The following CDC42SE1 variants were observed in gnomAD, a reference collection of about 807,000 sequenced individuals.
CDC42SE1 encodes CDC42 small effector protein 1.
A neutral mutation model predicts 10.9 loss-of-function variants in CDC42SE1; 10 were observed. The ratio of observed to expected loss-of-function variants is 0.92; its 90% confidence interval spans 0.57 to 1.56. The LOEUF is 1.56. Ranked by LOEUF, CDC42SE1 falls within the 40% of genes most tolerant of loss-of-function variation. The pLI, the probability that CDC42SE1 is intolerant of heterozygous loss-of-function variation, is 0.00. For synonymous variants in CDC42SE1, 24 were observed against 32.0 expected (o/e 0.75, Z 0.85); for missense variants, 81 against 100.8 (o/e 0.80, Z 0.84).
chr1:151,056,410 G>A (rs1676279528), intron 1 of CDC42SE1, among the ~76,000 whole-genome samples: 2 of 152,224 alleles, frequency 1.3e-5, no homozygotes, highest in South Asian at 4.1e-4. Flanking sequence ...TCACAAACAA[G>A]GTCTCCACCC....
chr1:151,054,961 A>G, intron 3 of CDC42SE1, 55 bp downstream of exon 3: 1 of 1,267,576 alleles, frequency 7.9e-7, no homozygotes, highest in East Asian at 2.3e-5. Flanking sequence ...TTTCAAAAAG[A>G]GGGAACGGTT....
At chr1:151,058,589 A>T (rs1676332469) in intron 1 of CDC42SE1, 1 of 152,306 alleles carries the variant, frequency 6.6e-6, no homozygotes, top group Non-Finnish European at 1.5e-5. Flanking sequence ...CCACGTCCTG[A>T]GAGCCAAGTG....
rs1676179253 is a variant in CDC42SE1 at position 151,051,407 on chromosome 1, A to AAG, written c.*1936_*1937insCT. On this transcript the variant is annotated 3_prime_UTR_variant, in exon 5 of 5. Coordinates refer to ENST00000357235, the MANE Select transcript of CDC42SE1 (RefSeq NM_020239.4). The stretch of plus-strand genomic sequence containing the variant: ...CATGGAAATTTGAAAAAAAAAAAAA[A>AAG]AAAAAAAAAAAAAGAACCTCAGTCA... The AAG allele has an allele frequency of 6.7e-6, 1 of 148,704 alleles. No homozygotes were observed. Among genetic ancestry groups the AAG allele is most frequent in the Non-Finnish European group, 1.5e-5 (1 of 67,042 alleles). The allele number at this position is 148,704 out of a possible 1,614,324, so 9.2% of individuals were successfully genotyped here.
chr1:151,056,045 C>T (rs936834128), intron 1 of CDC42SE1, 52 bp from the exon 2 acceptor site: 1 of 409,190 alleles, frequency 2.4e-6, no homozygotes, highest in Non-Finnish European at 4.6e-6. Flanking sequence ...TCCCCCTCCC[C>T]CAATCCTTGA....
chr1:151,055,924 G>T lies in CDC42SE1; in HGVS notation c.-194C>A. ...TGAAGGTCAGTGTCTCAGAGCCTGA[G>T]AGATGAACAGGACCAGAGAGAGAGG... On this transcript the variant is annotated 5_prime_UTR_variant, in exon 2 of 5. Coordinates refer to ENST00000357235, the MANE Select transcript of CDC42SE1 (RefSeq NM_020239.4). The T allele has an allele frequency of 1.6e-6, 1 of 615,158 alleles. No individual in the cohort carries two copies. Among genetic ancestry groups the T allele is most frequent in the Non-Finnish European group, 2.9e-6 (1 of 340,008 alleles). The allele number at this position is 615,158 out of a possible 1,614,324, so 38.1% of individuals were successfully genotyped here.
At chr1:151,059,012 A>G (rs1354805932) in intron 1 of CDC42SE1, 1 of 152,042 alleles carries the variant, frequency 6.6e-6, no homozygotes, top group Non-Finnish European at 1.5e-5. Flanking sequence ...TGGACTCCAT[A>G]TTTCAGCCAA....
intron 1 of CDC42SE1, 69 bp from the exon 2 acceptor site, chr1:151,056,062 T>C (rs1676272282): frequency 8.0e-6 from 3 of 376,612 alleles, no homozygotes; most frequent in Non-Finnish European, 1.5e-5. Context: ...TTGAGAAACC[T>C]CCTGATGAGC....
In CDC42SE1 at chr1:151,051,329, A is replaced by G. The variant is rs1291672708; in HGVS notation, c.*2015T>C. On this transcript the variant is annotated 3_prime_UTR_variant, in exon 5 of 5. Transcript: ENST00000357235. ...AGCAACCAGCTTGACTGGAACTGAGAGTAAATTGGGAATGTATGACCAATC... is the reference window on the plus strand; with the variant it reads ...AGCAACCAGCTTGACTGGAACTGAGGGTAAATTGGGAATGTATGACCAATC... 6.8e-6 allele frequency: 1 copy of G among 146,550 alleles called. No homozygotes were observed. Among genetic ancestry groups the G allele is most frequent in the Admixed American group, 6.9e-5 (1 of 14,564 alleles). The allele number at this position is 146,550 out of a possible 1,614,324, so 9.1% of individuals were successfully genotyped here.
intron 3 of CDC42SE1, 82 bp from the exon 4 acceptor site, chr1:151,054,403 A>T (rs1676242307): frequency 2.7e-6 from 3 of 1,095,744 alleles, no homozygotes; most frequent in Admixed American, 3.4e-5. Flanking sequence ...TCCAGGGAAG[A>T]GGCTGACGCC....
In CDC42SE1 at chr1:151,051,791, G is replaced by A. The variant is rs751183772; in HGVS notation, c.*1553C>T. On this transcript the variant is annotated 3_prime_UTR_variant, in exon 5 of 5. Coordinates refer to ENST00000357235, the MANE Select transcript of CDC42SE1 (RefSeq NM_020239.4). The stretch of plus-strand genomic sequence containing the variant: ...TCTAGGACTAGGGCACAGAAATAGA[G>A]CTTAAAATTTGGGGAGGATAAGGAG... 7 of 152,550 alleles carry A rather than the reference G, an allele frequency of 4.6e-5. No individual in the cohort carries two copies. The South Asian group carries it at 6.2e-4, about 14-fold the overall frequency. 9.4% of individuals were successfully genotyped at this position (152,550 alleles called of 1,614,324 possible).
chr1:151,054,800 T>A (rs1436626996), intron 3 of CDC42SE1, among the ~76,000 whole-genome samples: 1 of 152,090 alleles, frequency 6.6e-6, no homozygotes, highest in Non-Finnish European at 1.5e-5. Context: ...CCTACCCCAG[T>A]GAAGAACAAT....
chr1:151,055,446 A>T (rs1676260929), intron 2 of CDC42SE1: 20 of 603,800 alleles, frequency 3.3e-5, no homozygotes, highest in Middle Eastern at 3.6e-4. Context: ...TACAAACCCC[A>T]CCCAGCTCAG....
In CDC42SE1 at chr1:151,052,262, C is replaced by A. The variant is rs587746752; in HGVS notation, c.*1082G>T. 3.3e-5 allele frequency: 5 copies of A among 152,302 alleles called. No individual in the cohort carries two copies. The highest frequency in any genetic ancestry group is 1.2e-4 in the African/African-American group (5 of 41,430). The allele number at this position is 152,302 out of a possible 1,614,324, so 9.4% of individuals were successfully genotyped here. On this transcript the variant is annotated 3_prime_UTR_variant, in exon 5 of 5. Coordinates refer to ENST00000357235, the MANE Select transcript of CDC42SE1 (RefSeq NM_020239.4). ...CAAAATAGGAAACAGGTTTTCCTTA[C>A]AAAGAACACTTCAGCCCAAAATGTC...
chr1:151,058,080 G>A (rs976344595), intron 1 of CDC42SE1: 1 of 152,468 alleles, frequency 6.6e-6, no homozygotes, highest in Non-Finnish European at 1.5e-5. Context: ...TCTGCTCAAA[G>A]CTGAGGGACA....
chr1:151,052,476 C>T lies in CDC42SE1; in HGVS notation c.*868G>A, dbSNP rs1219091466. ...CCGCATTCTGGGTTTCTTTCCAGAC[C>T]CCTCTTCCTCCTCTCACCTGGGCCA... On this transcript the variant is annotated 3_prime_UTR_variant, in exon 5 of 5. Coordinates refer to ENST00000357235, the MANE Select transcript of CDC42SE1 (RefSeq NM_020239.4). 1 of 152,528 alleles carries T rather than the reference C, an allele frequency of 6.6e-6. No homozygotes were observed. Among genetic ancestry groups the T allele is most frequent in the Non-Finnish European group, 1.5e-5 (1 of 68,028 alleles). The allele number at this position is 152,528 out of a possible 1,614,324, so 9.4% of individuals were successfully genotyped here.
chr1:151,055,646 T>G, intron 2 of CDC42SE1, 31 bp downstream of exon 2: 3 of 1,585,950 alleles, frequency 1.9e-6, no homozygotes, highest in Non-Finnish European at 2.6e-6. Flanking sequence ...TGACTGCTCT[T>G]TGGGTTAGGA....
chr1:151,053,862 C>T (rs1676230425), intron 4 of CDC42SE1, among the ~76,000 whole-genome samples: 2 of 151,804 alleles, frequency 1.3e-5, no homozygotes, highest in Non-Finnish European at 2.9e-5. Flanking sequence ...TAGAGTCTTG[C>T]TCTATCACAC....
rs1216251809 is a variant in CDC42SE1, at chr1:151,052,678, A to G, written c.*666T>C. Reference sequence around the variant, plus strand: ...GGATAATTAAGAGAACCTGAATTAAATTTTTAATATTTTAAAAAAGGAAAG... The same window carrying G: ...GGATAATTAAGAGAACCTGAATTAAGTTTTTAATATTTTAAAAAAGGAAAG... On this transcript the variant is annotated 3_prime_UTR_variant, in exon 5 of 5. Coordinates refer to ENST00000357235, the MANE Select transcript of CDC42SE1 (RefSeq NM_020239.4). 1 of 152,552 alleles carries G rather than the reference A, an allele frequency of 6.6e-6. No individual in the cohort carries two copies. Among genetic ancestry groups the G allele is most frequent in the African/African-American group, 2.4e-5 (1 of 41,458 alleles). 9.4% of individuals were successfully genotyped at this position (152,552 alleles called of 1,614,324 possible).
At position 151,057,215 on chromosome 1, in the gene CDC42SE1, T is replaced by A. The variant is rs1052220437; in HGVS notation, c.-263-1222A>T. ...CGGGAACCCTGATGCTTTGGCACCC[T>A]AGACTGATTTAAAAACAAGAGATAG... On this transcript the variant is annotated intron_variant, in intron 1 of 4. Transcript: ENST00000357235. This position sits in a 1 kb window ranked among gnomAD's most constrained non-coding sequence, Gnocchi z 4.0. Among the ~76,000 whole-genome samples, 1 of 152,166 alleles carries A rather than the reference T, an allele frequency of 6.6e-6. No homozygotes were observed. Among genetic ancestry groups the A allele is most frequent in the African/African-American group, 2.4e-5 (1 of 41,442 alleles).
Sources: gnomAD v4.1 joint callset for allele counts (sites outside exome capture counted in the v4.1 genomes callset) on GRCh38, gnomAD v4.1.1 for gene constraint, Gnocchi (gnomAD v3.1) non-coding constraint, MANE v1.5 for transcripts, NCBI Gene and HGNC (gene_info 2026-07-23, HGNC 2026-07-21) for gene names.